The following CELA2A variants were observed in gnomAD, a reference collection of about 807,000 sequenced individuals.
The protein encoded by CELA2A is chymotrypsin like elastase 2A.
A neutral mutation model predicts 35.3 loss-of-function variants in CELA2A; 31 were observed. The ratio of observed to expected loss-of-function variants is 0.88; its 90% CI spans 0.66 to 1.19. CELA2A has a LOEUF of 1.19. CELA2A is among the 50% of genes most tolerant of loss of function. CELA2A has a pLI of 0.00. For missense variants in CELA2A, 330 were observed against 352.9 expected (o/e 0.94, Z 0.52); for synonymous variants, 150 against 149.8 (o/e 1.00, Z -0.01).
chr1:15,466,875 C>T (rs187492854), intron 6 of CELA2A, among the ~76,000 whole-genome samples: 20 of 152,332 alleles, frequency 1.3e-4, no homozygotes, highest in Non-Finnish European at 1.6e-4. Context: ...CCACCAGGAA[C>T]TGCTCTGTGT....
intron 7 of CELA2A, 143 bp from the exon 8 acceptor site, chr1:15,471,847 A>T (rs879026006): frequency 4.7e-5 from 44 of 937,336 alleles, no homozygotes; most frequent in East Asian, 3.7e-4. Context: ...AAACGTCATC[A>T]GAACTCCTCA....
chr1:15,468,388 T>C lies in CELA2A; in HGVS notation c.792+850T>C, dbSNP rs565524375. ...ACCATCCCAGGCAAATAGAGCTGAGTTGGTCCCCCTGTCTTGTAAAAGTAA... is the reference window on the plus strand; with the variant it reads ...ACCATCCCAGGCAAATAGAGCTGAGCTGGTCCCCCTGTCTTGTAAAAGTAA... On this transcript the variant is annotated intron_variant, in intron 7 of 7. Transcript: ENST00000359621. Among the ~76,000 whole-genome samples the C allele has an allele frequency of 3.9e-5, 6 of 152,250 alleles. No homozygotes were observed. The South Asian group carries it at 1.2e-3, about 32-fold the overall frequency.
intron 3 of CELA2A, 111 bp from the exon 4 acceptor site, chr1:15,462,622 C>G (rs1708450692): frequency 7.4e-7 from 1 of 1,360,302 alleles, no homozygotes; most frequent in African/African-American, 1.4e-5. Flanking sequence ...GAAAGATCCC[C>G]AAGTCCCATC....
intron 4 of CELA2A, 152 bp downstream of exon 4, chr1:15,463,013 C>A (rs992257106): frequency 2.3e-5 from 28 of 1,209,980 alleles, no homozygotes; most frequent in Admixed American, 4.2e-5. Flanking sequence ...GGAACCAGCT[C>A]CAAAGATGTC....
chr1:15,467,509 G>T lies in CELA2A; in HGVS notation c.763G>T (p.Val255Phe). Residue 255 changes from valine (V) to phenylalanine (F), a missense_variant, in exon 7 of 8, where the codon GTC becomes TTC. Coordinates refer to ENST00000359621, the MANE Select transcript of CELA2A (RefSeq NM_033440.3). ...YYHKPSVFTR[V>F]SNYIDWINSV... Reference sequence around the variant, plus strand: ...CCACAAGCCCTCCGTCTTCACGCGGGTCTCCAATTACATCGACTGGATCAA... The same window carrying T: ...CCACAAGCCCTCCGTCTTCACGCGGTTCTCCAATTACATCGACTGGATCAA... The T allele has an allele frequency of 1.2e-6, 2 of 1,614,166 alleles. No homozygotes were observed. The highest frequency in any genetic ancestry group is 1.7e-6 in the Non-Finnish European group (2 of 1,180,042).
At chr1:15,462,951 C>A (rs3815788) in intron 4 of CELA2A, 90 bp downstream of exon 4, 7 of 1,546,994 alleles carry the variant, frequency 4.5e-6, no homozygotes, top group African/African-American at 4.1e-5. Flanking sequence ...CACACCACAC[C>A]CCCTCTGCTT....
intron 3 of CELA2A, 60 bp downstream of exon 3, chr1:15,461,718 G>A: frequency 1.3e-6 from 2 of 1,596,252 alleles, no homozygotes; most frequent in Non-Finnish European, 1.7e-6. Context: ...TTCTGAGCTG[G>A]GGGCTCAAAT....
At chr1:15,457,265 G>A in intron 2 of CELA2A, 91 bp downstream of exon 2, 8 of 1,267,272 alleles carry the variant, frequency 6.3e-6, no homozygotes, top group South Asian at 1.2e-5. Flanking sequence ...TATTGTGCTG[G>A]CAAAGTGAGT....
intron 2 of CELA2A, among the ~76,000 whole-genome samples, chr1:15,460,012 GCAATTTTGTTT>G (rs938857715): frequency 1.3e-5 from 2 of 151,776 alleles, no homozygotes; most frequent in African/African-American, 4.8e-5. Context: ...ATATTTTAAT[GCAATTTTGTTT>G]CTTCTCCAGG....
chr1:15,469,715 G>A (rs943645879), intron 7 of CELA2A, among the ~76,000 whole-genome samples: 12 of 152,164 alleles, frequency 7.9e-5, no homozygotes, highest in African/African-American at 2.7e-4. Flanking sequence ...ATCATTAATG[G>A]TGCTTTTTTA....
In CELA2A at chr1:15,462,814, T is replaced by C; in HGVS notation, c.309T>C (p.Ser103=). The C allele has an allele frequency of 1.2e-6, 2 of 1,614,094 alleles. No individual in the cohort carries two copies. Among genetic ancestry groups the C allele is most frequent in the Non-Finnish European group, 1.7e-6 (2 of 1,180,010 alleles). The change falls in exon 4 of 8, where the codon TCT becomes TCC. Residue 103 remains serine (S), a synonymous_variant. Transcript: ENST00000359621. ...AESGSLAVSV[S]KIVVHKDWNS... is the part of the protein sequence containing the mutation. The stretch of plus-strand genomic sequence containing the variant: ...CCGGCTCGCTGGCAGTCAGTGTCTC[T>C]AAGATTGTGGTGCACAAGGACTGGA...
At chr1:15,464,234 G>A (rs1177111419) in intron 5 of CELA2A, among the ~76,000 whole-genome samples, 1 of 152,114 alleles carries the variant, frequency 6.6e-6, no homozygotes, top group African/African-American at 2.4e-5. Flanking sequence ...CTAGAGTTCA[G>A]AACAGCATTT....
At chr1:15,463,974 C>G (rs1708477052) in intron 5 of CELA2A, among the ~76,000 whole-genome samples, 1 of 152,042 alleles carries the variant, frequency 6.6e-6, no homozygotes, top group Admixed American at 6.6e-5. Context: ...ATCACTTGAA[C>G]CTGGGAGATG....
intron 7 of CELA2A, among the ~76,000 whole-genome samples, chr1:15,468,985 C>A (rs1708557035): frequency 6.6e-6 from 1 of 152,136 alleles, no homozygotes; most frequent in African/African-American, 2.4e-5. Context: ...CGAGACCAGC[C>A]TGGTCAACAC....
At chr1:15,463,730 C>T (rs1375277489) in intron 5 of CELA2A, among the ~76,000 whole-genome samples, 4 of 152,152 alleles carry the variant, frequency 2.6e-5, no homozygotes, top group Non-Finnish European at 5.9e-5. Flanking sequence ...TAGGTCTCTC[C>T]ATGCAGCACT....
At chr1:15,457,602 T>A in intron 2 of CELA2A, 1 of 151,464 alleles carries the variant, frequency 6.6e-6, no homozygotes, top group Non-Finnish European at 1.5e-5. Context: ...AAAGCAAGAC[T>A]CTGTCTCAAA....
intron 7 of CELA2A, among the ~76,000 whole-genome samples, chr1:15,468,052 A>G (rs1230808137): frequency 1.4e-5 from 2 of 145,882 alleles, no homozygotes; most frequent in African/African-American, 5.0e-5. Flanking sequence ...AAATTGCACC[A>G]TTGCACTCCA....
At chr1:15,464,687 G>A (rs1453595865) in intron 5 of CELA2A, among the ~76,000 whole-genome samples, 1 of 152,096 alleles carries the variant, frequency 6.6e-6, no homozygotes, top group African/African-American at 2.4e-5. Context: ...TGGTGGAAGA[G>A]GCATTTCATG....
At chr1:15,467,614 T>C (rs563021990) in intron 7 of CELA2A, 76 bp downstream of exon 7, 199 of 1,532,518 alleles carry the variant, frequency 1.3e-4, no homozygotes, top group South Asian at 1.7e-4. Context: ...GCCCACCTGG[T>C]GACTGAGAAT....
Sources: allele counts gnomAD v4.1 joint callset (sites outside exome capture counted in the v4.1 genomes callset), GRCh38; gene constraint gnomAD v4.1.1; transcripts MANE v1.5; gene names NCBI Gene and HGNC (gene_info 2026-07-23, HGNC 2026-07-21).